LRRC51: variants seen among roughly 807,000 people sequenced by gnomAD.
The protein encoded by LRRC51 is leucine-rich repeat-containing protein 51.
LRRC51 carries 8 observed loss-of-function variants against 17.8 expected under a neutral mutation model. The ratio of observed to expected loss-of-function variants is 0.45; its 90% confidence interval spans 0.26 to 0.81. The LOEUF (loss-of-function observed/expected upper bound fraction) is 0.81, where lower values mean the gene tolerates loss of function less well. LRRC51 is among the 30% of genes least tolerant of loss of function. The probability of loss-of-function intolerance (pLI) is 0.17; values close to 1 mark genes in which losing one functional copy is unlikely to be tolerated. For missense variants in LRRC51, 233 were observed against 239.3 expected, an observed-to-expected ratio of 0.97 and a Z score of 0.17; for synonymous variants, 92 against 96.0, an observed-to-expected ratio of 0.96 and a Z score of 0.24.
chr11:72,091,783 A>C (rs962360118), intron 3 of LRRC51, among the ~76,000 whole-genome samples: 1 of 152,076 alleles, frequency 6.6e-6, no homozygotes, highest in Non-Finnish European at 1.5e-5. Context: ...ACGGGGTTTC[A>C]TGATGTTGCC....
chr11:72,094,709 T>G (rs1406222450), intron 4 of LRRC51: 8 of 779,756 alleles, frequency 1.0e-5, no homozygotes, highest in Non-Finnish European at 1.5e-5. Context: ...TCAGTGGCAG[T>G]GCTGGTACCC....
At chr11:72,088,579 CCT>C in intron 2 of LRRC51, 199 bp downstream of exon 2, 1 of 597,572 alleles carries the variant, frequency 1.7e-6, no homozygotes, top group Non-Finnish European at 3.0e-6. Flanking sequence ...CGGTGCAGGC[CCT>C]CAAGGATTTG....
chr11:72,082,055 AG>A (rs1313254359), intron 1 of LRRC51, among the ~76,000 whole-genome samples: 1 of 152,204 alleles, frequency 6.6e-6, no homozygotes, highest in Non-Finnish European at 1.5e-5. Flanking sequence ...CTATAGCGGA[AG>A]GACTTGTTCC....
At chr11:72,085,090 G>A (rs1020894926) in intron 1 of LRRC51, among the ~76,000 whole-genome samples, 27 of 152,100 alleles carry the variant, frequency 1.8e-4, no homozygotes, top group Non-Finnish European at 3.4e-4. Context: ...TTCCAGTTCC[G>A]AAACAAGGCA....
chr11:72,089,093 C>A lies in LRRC51; in HGVS notation c.10C>A (p.Arg4=), dbSNP rs374233636. Residue 4 remains arginine (R), a synonymous_variant, in exon 3 of 6, where the codon CGG becomes AGG. Transcript: ENST00000289488. MNK[R]DYMNTSVQEP... The stretch of plus-strand genomic sequence containing the variant: ...AATGATGGCCTGAACTATGAACAAA[C>A]GGGACTATATGAACACTTCGGTACA... 39 of 1,613,852 alleles carry A rather than the reference C, an allele frequency of 2.4e-5. No individual in the cohort carries two copies. The highest frequency in any genetic ancestry group is 3.1e-5 in the Non-Finnish European group (37 of 1,179,982).
Position 72,095,771 on chromosome 11 carries a change from CAA to C in LRRC51, c.*252_*253del. ...CACTGCAACCTCAGCCTCCCAGGTT[CAA>C]GAGATTCTCCTGCCTCAGCCTCCCC... On this transcript the variant is annotated 3_prime_UTR_variant, in exon 6 of 6. Transcript: ENST00000289488. 1.1e-6 allele frequency: 1 copy of C among 876,256 alleles called. No individual in the cohort carries two copies. The highest frequency in any genetic ancestry group is 1.6e-6 in the Non-Finnish European group (1 of 628,350). 54.3% of individuals were successfully genotyped at this position (876,256 alleles called of 1,614,324 possible).
chr11:72,083,738 T>C (rs1442934973), intron 1 of LRRC51: 1 of 152,030 alleles, frequency 6.6e-6, no homozygotes, highest in Non-Finnish European at 1.5e-5. Context: ...AGCCCTGAAA[T>C]AAGAATTAGC....
chr11:72,094,814 G>C (rs1361914751), intron 4 of LRRC51, 134 bp from the exon 5 acceptor site: 2 of 1,524,578 alleles, frequency 1.3e-6, no homozygotes, highest in Non-Finnish European at 1.8e-6. Context: ...CAGTCATACA[G>C]TATGGCTGTG....
At chr11:72,081,443 AAAC>A (rs1944191889) in intron 1 of LRRC51, among the ~76,000 whole-genome samples, 2 of 152,096 alleles carry the variant, frequency 1.3e-5, no homozygotes, top group South Asian at 4.1e-4. Context: ...AAACGAAACA[AAAC>A]AAAAACAAAA....
At chr11:72,086,440 T>C (rs1251443392) in intron 1 of LRRC51, 2 of 702,372 alleles carry the variant, frequency 2.8e-6, no homozygotes, top group East Asian at 5.4e-5. Context: ...CTGAAACAGC[T>C]GAACCTGGGA....
At position 72,089,113 on chromosome 11, in the gene LRRC51, G is replaced by A. The variant is rs148745596; in HGVS notation, c.30G>A (p.Ser10=). Residue 10 remains serine, a synonymous_variant, in exon 3 of 6, where the codon TCG becomes TCA. Transcript: ENST00000289488. ...ACAAACGGGACTATATGAACACTTCGGTACAGGAGCCCCCTCTTGACTACT... is the reference window on the plus strand; with the variant it reads ...ACAAACGGGACTATATGAACACTTCAGTACAGGAGCCCCCTCTTGACTACT... MNKRDYMNT[S]VQEPPLDYSF... is the part of the protein sequence containing the mutation. The A allele has an allele frequency of 6.1e-5, 99 of 1,614,018 alleles. No individual in the cohort carries two copies. The African/African-American group carries it at 7.6e-4, about 12-fold the overall frequency.
chr11:72,088,197 C>G, intron 1 of LRRC51, 100 bp from the exon 2 acceptor site: 2 of 589,238 alleles, frequency 3.4e-6, no homozygotes, highest in Non-Finnish European at 6.1e-6. Context: ...TCCAGAAAAA[C>G]CTCAGCTTTA....
intron 3 of LRRC51, 72 bp downstream of exon 3, chr11:72,089,237 A>C (rs1299034871): frequency 1.2e-6 from 2 of 1,606,902 alleles, no homozygotes; most frequent in East Asian, 2.2e-5. Context: ...AAGAAACCAT[A>C]ATCTACTTAA....
intron 1 of LRRC51, chr11:72,086,507 A>C: frequency 1.4e-6 from 1 of 700,336 alleles, no homozygotes; most frequent in Non-Finnish European, 2.6e-6. Flanking sequence ...AAATCCTCAG[A>C]ATTGGCAGTT....
rs1253818811 is a variant in LRRC51 at position 72,094,937 on chromosome 11, C to T, written c.289-11C>T. ...CTGTCTAGCCTGGCTTTTGGTTTCC[C>T]TCCCCAACAGGTCCTAACAACTTTC... On this transcript the variant is annotated splice_polypyrimidine_tract_variant and intron_variant, in intron 4 of 5. Coordinates refer to ENST00000289488, the MANE Select transcript of LRRC51 (RefSeq NM_145309.6). 3.1e-6 allele frequency: 5 copies of T among 1,613,994 alleles called. No individual in the cohort carries two copies. The East Asian group carries it at 8.9e-5, about 29-fold the overall frequency.
intron 1 of LRRC51, among the ~76,000 whole-genome samples, chr11:72,083,525 G>C (rs566870429): frequency 6.6e-6 from 1 of 152,196 alleles, no homozygotes; most frequent in African/African-American, 2.4e-5. Flanking sequence ...TTTTTAATGT[G>C]TTTGTTAAGC....
Position 72,092,958 on chromosome 11 carries a change from G to A in LRRC51, c.83-538G>A, listed in dbSNP as rs550049923. On this transcript the variant is annotated intron_variant, in intron 3 of 5. Transcript: ENST00000289488. ...ATCTTGCCCATATAAGCTCCTCCAAGGCACAAATGTCTGCTCTCTGCCCTA... is the reference window on the plus strand; with the variant it reads ...ATCTTGCCCATATAAGCTCCTCCAAAGCACAAATGTCTGCTCTCTGCCCTA... Among the ~76,000 whole-genome samples, 3 of 152,252 alleles carry A rather than the reference G, an allele frequency of 2.0e-5. No homozygotes were observed. The South Asian group carries it at 6.2e-4, about 32-fold the overall frequency.
At position 72,093,571 on chromosome 11, in the gene LRRC51, C is replaced by T; in HGVS notation, c.158C>T (p.Ser53Phe). 4.3e-6 allele frequency: 7 copies of T among 1,614,236 alleles called. No homozygotes were observed. The highest frequency in any genetic ancestry group is 5.9e-6 in the Non-Finnish European group (7 of 1,180,054). Residue 53 changes from serine (S) to phenylalanine (F), a missense_variant, in exon 4 of 6, where the codon TCC (serine) becomes TTC (phenylalanine). Physicochemically the swap from Ser to Phe is radical, Grantham distance 155. Coordinates refer to ENST00000289488, the MANE Select transcript of LRRC51 (RefSeq NM_145309.6). ...AAGTCGGGGAAATCACTGACCCAGT[C>T]CCTGTGGCTGAATAACAATGTTCTC... The part of the protein sequence containing the change: ...RSKSGKSLTQ[S>F]LWLNNNVLND...
Position 72,095,363 on chromosome 11 carries a change from TAA to T in LRRC51, c.438-15_438-14del, listed in dbSNP as rs1414780526. The T allele has an allele frequency of 1.2e-6, 2 of 1,613,768 alleles. No homozygotes were observed. Among genetic ancestry groups the T allele is most frequent in the Non-Finnish European group, 1.7e-6 (2 of 1,179,996 alleles). On this transcript the variant is annotated splice_polypyrimidine_tract_variant and intron_variant, in intron 5 of 5. Transcript: ENST00000289488. The stretch of plus-strand genomic sequence containing the variant: ...CTGGTGGGGGTGCTGGCCCCCAGCC[TAA>T]GTCTTCCCCACAGGCAATATGTGCT...
Sources: allele counts gnomAD v4.1 joint callset (sites outside exome capture counted in the v4.1 genomes callset), GRCh38; gene constraint gnomAD v4.1.1; transcripts MANE v1.5; gene names NCBI Gene and HGNC (gene_info 2026-07-23, HGNC 2026-07-21).